PTPRM: variants seen among roughly 807,000 people sequenced by gnomAD.
PTPRM encodes receptor-type tyrosine-protein phosphatase mu.
PTPRM carries 47 observed loss-of-function variants against 186.7 expected under a neutral mutation model. The ratio of observed to expected loss-of-function variants is 0.25; its 90% CI spans 0.20 to 0.32. PTPRM has a LOEUF of 0.32. Ranked by LOEUF, PTPRM falls within the 10% of genes least tolerant of loss-of-function variation. PTPRM has a pLI of 1.00. For missense variants in PTPRM, 1,494 were observed against 1,865.0 expected, an observed-to-expected ratio of 0.80 and a Z score of 3.66; for synonymous variants, 668 against 674.9, an observed-to-expected ratio of 0.99 and a Z score of 0.16.
intron 14 of PTPRM, among the ~76,000 whole-genome samples, chr18:8,240,814 GAGAGAGAGAGAGAA>G (rs1202989139): frequency 0.04 from 1,607 of 39,772 alleles, 79 homozygotes; most frequent in African/African-American, 0.084. Flanking sequence ...GAGAGAGAGA[GAGAGAGAGAGAGAA>G]AGAAAGAAAG....
chr18:8,021,590 A>G (rs772648643), intron 7 of PTPRM, among the ~76,000 whole-genome samples: 3 of 151,180 alleles, frequency 2.0e-5, no homozygotes, highest in Non-Finnish European at 2.9e-5. Context: ...TCATTGTTCA[A>G]CTCCCACTTA....
chr18:7,611,083 A>G (rs770444350), intron 1 of PTPRM, among the ~76,000 whole-genome samples: 2 of 152,214 alleles, frequency 1.3e-5, no homozygotes, highest in African/African-American at 2.4e-5. Context: ...AAAGAAAAAC[A>G]TATATAAAAG....
intron 2 of PTPRM, among the ~76,000 whole-genome samples, chr18:7,874,261 G>T: frequency 6.6e-6 from 1 of 152,104 alleles, no homozygotes; most frequent in South Asian, 2.1e-4. Flanking sequence ...TTTTTCCTTT[G>T]AAATCTATTT....
chr18:7,598,278 A>G (rs1280044508), intron 1 of PTPRM, among the ~76,000 whole-genome samples: 1 of 152,350 alleles, frequency 6.6e-6, no homozygotes, highest in African/African-American at 2.4e-5. Context: ...TCTCGTAAAC[A>G]GTGTGGCTCA....
chr18:7,629,100 G>T (rs1025410842), intron 1 of PTPRM, among the ~76,000 whole-genome samples: 1 of 152,188 alleles, frequency 6.6e-6, no homozygotes, highest in Non-Finnish European at 1.5e-5. Flanking sequence ...ACTCATGGAA[G>T]CAGCCTCAGA....
intron 14 of PTPRM, among the ~76,000 whole-genome samples, chr18:8,224,299 C>A (rs1405478487): frequency 6.6e-6 from 1 of 152,108 alleles, no homozygotes; most frequent in Non-Finnish European, 1.5e-5. Flanking sequence ...TCTTCAATCA[C>A]AAGAAAAGGG....
intron 1 of PTPRM, among the ~76,000 whole-genome samples, chr18:7,614,251 A>G (rs138367126): frequency 2.4e-4 from 37 of 152,308 alleles, no homozygotes; most frequent in African/African-American, 8.4e-4. Flanking sequence ...CAAATGAGTT[A>G]CCACAGTAAT....
chr18:8,367,048 CGA>C (rs2095634415), intron 23 of PTPRM: 1 of 152,070 alleles, frequency 6.6e-6, no homozygotes, highest in Non-Finnish European at 1.5e-5. Flanking sequence ...GGACAGGAAG[CGA>C]CTGCGAGCCC....
chr18:7,880,356 TG>T (rs2048445421), intron 2 of PTPRM, among the ~76,000 whole-genome samples: 1 of 152,168 alleles, frequency 6.6e-6, no homozygotes, highest in Admixed American at 6.5e-5. Context: ...AACTAACAAA[TG>T]GTCTTTTTCA....
chr18:7,866,743 GTTAATTTTCTTT>G (rs2047723041), intron 2 of PTPRM, among the ~76,000 whole-genome samples: 1 of 152,152 alleles, frequency 6.6e-6, no homozygotes, highest in Non-Finnish European at 1.5e-5. Flanking sequence ...GAATATCCTT[GTTAATTTTCTTT>G]CTAGTTGATC....
chr18:8,161,402 G>A (rs531295238), intron 14 of PTPRM, among the ~76,000 whole-genome samples: 6 of 152,262 alleles, frequency 3.9e-5, no homozygotes, highest in African/African-American at 1.2e-4. Flanking sequence ...GGCCAGTAGA[G>A]TTGACCTGTG....
At position 8,113,514 on chromosome 18, in the gene PTPRM, C is replaced by T. The variant is rs1237614240; in HGVS notation, c.1885C>T (p.Arg629Cys). ...CTATCAAATAGTTGTTGAGGAAGAA[C>T]GTCCTCGAAGAACTAAAAAGACGAC... is the stretch of plus-strand genomic sequence containing the variant. ...SVYQIVVEEE[R>C]PRRTKKTTEI... Residue 629 changes from arginine to cysteine, a missense_variant, in exon 12 of 33, where the codon CGT (arginine) becomes TGT (cysteine). Around this residue, in one of 3 missense-constraint regions of PTPRM, gnomAD observed 1,107 missense variants for 1,350.2 expected, o/e 0.82. Coordinates refer to ENST00000580170, the MANE Select transcript of PTPRM (RefSeq NM_001105244.2). 8 of 1,613,316 alleles carry T rather than the reference C, an allele frequency of 5.0e-6. No homozygotes were observed. The highest frequency in any genetic ancestry group is 4.5e-5 in the East Asian group (2 of 44,842).
chr18:8,137,127 T>C (rs767790830), intron 13 of PTPRM, among the ~76,000 whole-genome samples: 5 of 152,218 alleles, frequency 3.3e-5, no homozygotes, highest in Non-Finnish European at 5.9e-5. Context: ...TTAGCTCTTC[T>C]CCCTGTCGCA....
chr18:7,591,521 A>G (rs1208682130), intron 1 of PTPRM, among the ~76,000 whole-genome samples: 1 of 152,204 alleles, frequency 6.6e-6, no homozygotes, highest in Non-Finnish European at 1.5e-5. Context: ...AAGCACATAC[A>G]ACAGCTTCTG....
chr18:7,819,604 G>A (rs1378600898), intron 2 of PTPRM, among the ~76,000 whole-genome samples: 2 of 152,200 alleles, frequency 1.3e-5, no homozygotes, highest in Non-Finnish European at 2.9e-5. Flanking sequence ...GCCCACAGGT[G>A]ATCTGATTCT....
intron 21 of PTPRM, among the ~76,000 whole-genome samples, chr18:8,318,397 T>C (rs747391902): frequency 7.6e-5 from 11 of 144,066 alleles, no homozygotes; most frequent in Non-Finnish European, 1.7e-4. Context: ...CCTGGGCTTA[T>C]GCAATCCTCC....
At chr18:7,653,231 C>G (rs561270017) in intron 1 of PTPRM, among the ~76,000 whole-genome samples, 2 of 151,842 alleles carry the variant, frequency 1.3e-5, no homozygotes, top group Non-Finnish European at 1.5e-5. Context: ...ACTGCTTTCT[C>G]GACCTCCTGA....
intron 20 of PTPRM, among the ~76,000 whole-genome samples, chr18:8,312,273 C>G (rs1328274539): frequency 6.6e-6 from 1 of 152,182 alleles, no homozygotes; most frequent in Non-Finnish European, 1.5e-5. Context: ...TAACAATCTA[C>G]ACATGTCCAG....
intron 14 of PTPRM, among the ~76,000 whole-genome samples, chr18:8,158,938 C>T (rs1462503103): frequency 2.6e-5 from 4 of 152,142 alleles, no homozygotes; most frequent in Admixed American, 1.3e-4. Flanking sequence ...CAGACACCTC[C>T]CACCCAGCCC....
Sources: allele counts gnomAD v4.1 joint callset (sites outside exome capture counted in the v4.1 genomes callset), GRCh38; gene constraint gnomAD v4.1.1; regional missense constraint gnomAD v4.1.1; transcripts MANE v1.5; gene names NCBI Gene and HGNC (gene_info 2026-07-23, HGNC 2026-07-21).